SMYD3: variants seen among roughly 807,000 people sequenced by gnomAD.
SMYD3 encodes histone-lysine N-methyltransferase SMYD3.
SMYD3 carries 36 observed loss-of-function variants against 57.7 expected under a neutral mutation model. The observed-to-expected ratio is 0.62, with a 90% confidence interval of 0.48 to 0.82. The LOEUF (loss-of-function observed/expected upper bound fraction) is 0.82. SMYD3 is among the 40% of genes least tolerant of loss of function. The probability of loss-of-function intolerance (pLI) is 0.00; values close to 1 mark genes in which losing one functional copy is unlikely to be tolerated. For synonymous variants in SMYD3, 211 were observed against 195.0 expected (o/e 1.08, Z -0.68); for missense variants, 515 against 538.8 (o/e 0.96, Z 0.44).
chr1:246,383,804 T>C (rs915349316), intron 1 of SMYD3, among the ~76,000 whole-genome samples: 7 of 152,196 alleles, frequency 4.6e-5, no homozygotes, highest in Admixed American at 3.3e-4. Context: ...CCCTGCTCCT[T>C]TTTCTTAGGC....
chr1:245,939,763 C>T (rs1223324043), intron 5 of SMYD3, among the ~76,000 whole-genome samples: 1 of 152,322 alleles, frequency 6.6e-6, no homozygotes, highest in East Asian at 1.9e-4. Context: ...CTCAGTTTTC[C>T]TGTCTTCACA....
At chr1:246,088,534 C>T (rs974005983) in intron 5 of SMYD3, among the ~76,000 whole-genome samples, 45 of 133,860 alleles carry the variant, frequency 3.4e-4, no homozygotes, top group Non-Finnish European at 5.8e-4. Flanking sequence ...GGCGTGAACC[C>T]AGGAGGCGGA....
intron 5 of SMYD3, among the ~76,000 whole-genome samples, chr1:246,166,341 C>T (rs2062210572): frequency 6.6e-6 from 1 of 152,136 alleles, no homozygotes; most frequent in South Asian, 2.1e-4. Flanking sequence ...GATTCTCTCA[C>T]CGGAATCATT....
chr1:246,218,149 ACT>A (rs1222197458), intron 5 of SMYD3, among the ~76,000 whole-genome samples: 1 of 152,144 alleles, frequency 6.6e-6, no homozygotes, highest in Non-Finnish European at 1.5e-5. Flanking sequence ...GAATACGTAC[ACT>A]CTGACATGAG....
At chr1:246,167,916 A>G (rs1165334974) in intron 5 of SMYD3, among the ~76,000 whole-genome samples, 1 of 151,404 alleles carries the variant, frequency 6.6e-6, no homozygotes, top group Admixed American at 6.6e-5. Context: ...GGTCTATTCA[A>G]CTCCTTTGCT....
chr1:245,915,556 A>G lies in SMYD3; in HGVS notation c.787T>C (p.Cys263Arg). Residue 263 changes from cysteine (C) to arginine (R), a missense_variant, in exon 8 of 12, where the codon TGT (cysteine) becomes CGT (arginine). Cys to Arg is a radical substitution (Grantham distance 180). Coordinates refer to ENST00000490107, the MANE Select transcript of SMYD3 (RefSeq NM_001167740.2). ...LRDQYCFECD[C>R]FRCQTQDKDA... Reference sequence around the variant, plus strand: ...TTGTCCTGGGTTTGGCAACGGAAACAGTCACATTCAAAGCAGTACTGGTCC... The same window carrying G: ...TTGTCCTGGGTTTGGCAACGGAAACGGTCACATTCAAAGCAGTACTGGTCC... 1.2e-6 allele frequency: 2 copies of G among 1,613,864 alleles called. No individual in the cohort carries two copies. Among genetic ancestry groups the G allele is most frequent in the Non-Finnish European group, 8.5e-7 (1 of 1,179,794 alleles).
At chr1:246,262,791 T>G (rs946271651) in intron 5 of SMYD3, among the ~76,000 whole-genome samples, 4 of 152,182 alleles carry the variant, frequency 2.6e-5, no homozygotes, top group African/African-American at 9.7e-5. Context: ...CAGGTTTATA[T>G]TATCTTAAAA....
At chr1:245,793,424 C>T (rs1036160708) in intron 10 of SMYD3, among the ~76,000 whole-genome samples, 4 of 152,148 alleles carry the variant, frequency 2.6e-5, no homozygotes, top group Admixed American at 6.5e-5. Context: ...CAGAGCATGG[C>T]GGGGCAGGAA....
intron 1 of SMYD3, among the ~76,000 whole-genome samples, chr1:246,392,904 C>T (rs370206489): frequency 6.6e-6 from 1 of 151,650 alleles, no homozygotes; most frequent in East Asian, 1.9e-4. Context: ...CATCATCAAT[C>T]ATTATGGAAA....
rs2062941837 is a variant in SMYD3 at position 246,202,879 on chromosome 1, C to T, written c.531+124322G>A. On this transcript the variant is annotated intron_variant, in intron 5 of 11. Transcript: ENST00000490107. This position sits in a 1 kb window ranked among gnomAD's most constrained non-coding sequence, Gnocchi z 4.1. The stretch of plus-strand genomic sequence containing the variant: ...GAGGTGGCTCACGCTTTAATCCCAG[C>T]ACTTTGGGAGGCCAAGATAGTGGAT... 6.6e-6 allele frequency among the ~76,000 whole-genome samples: 1 copy of T among 152,166 alleles called. No homozygotes were observed. Among genetic ancestry groups the T allele is most frequent in the Non-Finnish European group, 1.5e-5 (1 of 68,028 alleles).
intron 1 of SMYD3, among the ~76,000 whole-genome samples, chr1:246,414,456 T>C (rs1016401450): frequency 6.6e-6 from 1 of 152,144 alleles, no homozygotes; most frequent in African/African-American, 2.4e-5. Flanking sequence ...GCCTGTCTCT[T>C]CTCTACAAGG....
chr1:246,059,303 C>T (rs2060209808), intron 5 of SMYD3, among the ~76,000 whole-genome samples: 2 of 151,342 alleles, frequency 1.3e-5, no homozygotes, highest in Non-Finnish European at 1.5e-5. Flanking sequence ...TTTTCTAAGC[C>T]AGCAGAGGCA....
intron 5 of SMYD3, chr1:246,178,939 C>A (rs2062482569): frequency 6.5e-6 from 1 of 152,672 alleles, no homozygotes; most frequent in African/African-American, 2.4e-5. Context: ...ACTGAAACTA[C>A]CCAGGCCTTA....
At chr1:246,274,838 T>C (rs1396134375) in intron 5 of SMYD3, among the ~76,000 whole-genome samples, 2 of 152,016 alleles carry the variant, frequency 1.3e-5, no homozygotes, top group Non-Finnish European at 2.9e-5. Context: ...GCCCTATAAA[T>C]GTTAAGCCAA....
chr1:245,989,209 C>T (rs1572852371), intron 5 of SMYD3, among the ~76,000 whole-genome samples: 1 of 152,180 alleles, frequency 6.6e-6, no homozygotes, highest in East Asian at 1.9e-4. Flanking sequence ...CATCCTGTCC[C>T]CCTTTCTCTT....
At chr1:246,409,749 C>G (rs917375933) in intron 1 of SMYD3, among the ~76,000 whole-genome samples, 1 of 152,170 alleles carries the variant, frequency 6.6e-6, no homozygotes, top group Admixed American at 6.5e-5. Flanking sequence ...GGCATTGAAT[C>G]TGTAAATTAC....
intron 10 of SMYD3, among the ~76,000 whole-genome samples, chr1:245,775,715 T>TAAAAAAAAAAAAAA: frequency 9.1e-6 from 1 of 109,958 alleles, no homozygotes. Context: ...CAATAAATAC[T>TAAAAAAAAAAAAAA]AAAAAAAAAA....
At chr1:246,198,898 T>A (rs1450500898) in intron 5 of SMYD3, among the ~76,000 whole-genome samples, 1 of 152,190 alleles carries the variant, frequency 6.6e-6, no homozygotes, top group Non-Finnish European at 1.5e-5. Context: ...TGAGAGCAAC[T>A]GGCTATTCTT....
At chr1:246,422,623 C>T (rs752961662) in intron 1 of SMYD3, among the ~76,000 whole-genome samples, 5 of 151,996 alleles carry the variant, frequency 3.3e-5, no homozygotes, top group Non-Finnish European at 5.9e-5. Flanking sequence ...GGTTTCGCCA[C>T]GTTAGCCAGG....
Sources: gnomAD v4.1 joint callset for allele counts (sites outside exome capture counted in the v4.1 genomes callset) on GRCh38, gnomAD v4.1.1 for gene constraint, Gnocchi (gnomAD v3.1) non-coding constraint, MANE v1.5 for transcripts, NCBI Gene and HGNC (gene_info 2026-07-23, HGNC 2026-07-21) for gene names.